ZMAT3: variants seen among roughly 807,000 people sequenced by gnomAD.
ZMAT3 encodes the protein zinc finger matrin-type protein 3.
A neutral mutation model predicts 32.3 loss-of-function variants in ZMAT3; 17 were observed. The observed-to-expected ratio is 0.53, with a 90% CI of 0.36 to 0.79. The LOEUF is 0.79. Among genes scored for constraint, ZMAT3 ranks in the 30% least tolerant of loss-of-function variants. The probability of loss-of-function intolerance (pLI) is 0.00; values close to 1 mark genes in which losing one functional copy is unlikely to be tolerated. For synonymous variants in ZMAT3, 120 were observed against 133.1 expected (o/e 0.90, Z 0.68); for missense variants, 329 against 359.7 (o/e 0.91, Z 0.69).
At position 179,070,457 on chromosome 3, in the gene ZMAT3, A is replaced by G. The variant is rs147218193; in HGVS notation, c.-58+1138T>C. On this transcript the variant is annotated intron_variant, in intron 1 of 5. Coordinates refer to ENST00000311417, the MANE Select transcript of ZMAT3 (RefSeq NM_022470.4). ...AATTTATTTCTTGTTATATTTAACA[A>G]TCAACACAATGTCGACTCCTCAAAA... 1.6e-3 allele frequency among the ~76,000 whole-genome samples: 241 copies of G among 152,376 alleles called. 1 individual carries two copies. The highest frequency in any genetic ancestry group is 5.4e-3 in the African/African-American group (226 of 41,588).
At chr3:179,040,686 C>A (rs942478307) in intron 2 of ZMAT3, among the ~76,000 whole-genome samples, 5 of 152,148 alleles carry the variant, frequency 3.3e-5, no homozygotes, top group African/African-American at 1.2e-4. Context: ...GCAAAACAAC[C>A]AGCAAACATC....
chr3:179,069,512 T>C (rs1721601839), intron 1 of ZMAT3, among the ~76,000 whole-genome samples: 1 of 152,192 alleles, frequency 6.6e-6, no homozygotes, highest in African/African-American at 2.4e-5. Context: ...CAATAGAATA[T>C]GGCTATTTTA....
intron 2 of ZMAT3, among the ~76,000 whole-genome samples, chr3:179,055,517 T>A (rs1245725642): frequency 1.2e-4 from 17 of 146,454 alleles, no homozygotes; most frequent in Non-Finnish European, 1.2e-4. Flanking sequence ...GACCCCCCTT[T>A]AACCCAAACG....
chr3:179,065,431 T>C (rs2108588883), intron 2 of ZMAT3, among the ~76,000 whole-genome samples: 1 of 152,342 alleles, frequency 6.6e-6, no homozygotes, highest in Admixed American at 6.5e-5. Flanking sequence ...CAAATGTTGA[T>C]TCTGCTTATC....
At chr3:179,032,418 C>T (rs954391768) in intron 2 of ZMAT3, among the ~76,000 whole-genome samples, 25 of 152,090 alleles carry the variant, frequency 1.6e-4, no homozygotes, top group African/African-American at 5.8e-4. Context: ...TCTGCCCGGC[C>T]GCCACCCCGT....
chr3:179,018,526 C>T lies in ZMAT3; in HGVS notation c.*6491G>A, dbSNP rs1718386353. The T allele has an allele frequency of 6.6e-6, 1 of 151,990 alleles. No individual in the cohort carries two copies. Among genetic ancestry groups the T allele is most frequent in the Non-Finnish European group, 1.5e-5 (1 of 67,978 alleles). The allele number at this position is 151,990 out of a possible 1,614,324, so 9.4% of individuals were successfully genotyped here. Reference sequence around the variant, plus strand: ...AGGAAGTGTTCAGTTACTTTGGAAGCCATGAATTTTATCAAACACACACAA... The same window carrying T: ...AGGAAGTGTTCAGTTACTTTGGAAGTCATGAATTTTATCAAACACACACAA... On this transcript the variant is annotated 3_prime_UTR_variant, in exon 6 of 6. Transcript: ENST00000311417.
At chr3:179,028,092 G>A (rs1718977918) in intron 3 of ZMAT3, among the ~76,000 whole-genome samples, 1 of 152,190 alleles carries the variant, frequency 6.6e-6, no homozygotes, top group Non-Finnish European at 1.5e-5. Flanking sequence ...CTTAGATTTA[G>A]GACAGTAAGT....
At chr3:179,051,851 T>C (rs1312105338) in intron 2 of ZMAT3, among the ~76,000 whole-genome samples, 3 of 152,062 alleles carry the variant, frequency 2.0e-5, no homozygotes, top group Non-Finnish European at 2.9e-5. Context: ...TAAAACAGAA[T>C]AGAGAACCCA....
chr3:179,047,486 A>G (rs556687461), intron 2 of ZMAT3, among the ~76,000 whole-genome samples: 2 of 152,366 alleles, frequency 1.3e-5, no homozygotes, highest in South Asian at 4.1e-4. Context: ...GCTCACCAGC[A>G]GTGGATCCAA....
intron 2 of ZMAT3, among the ~76,000 whole-genome samples, chr3:179,047,758 C>T (rs563049166): frequency 3.6e-4 from 55 of 151,598 alleles, no homozygotes; most frequent in African/African-American, 1.3e-3. Flanking sequence ...ACTCAGGAGG[C>T]TGAAGCAGGA....
chr3:179,026,338 TTAATA>T (rs1042830958), intron 5 of ZMAT3, among the ~76,000 whole-genome samples: 1 of 151,608 alleles, frequency 6.6e-6, no homozygotes, highest in Non-Finnish European at 1.5e-5. Context: ...ATTACAATTA[TTAATA>T]TATGTTTAGA....
intron 5 of ZMAT3, among the ~76,000 whole-genome samples, chr3:179,025,455 A>C (rs1291146126): frequency 6.6e-6 from 1 of 152,212 alleles, no homozygotes; most frequent in African/African-American, 2.4e-5. Flanking sequence ...ATTGCTGTAG[A>C]GCCAAACCCA....
At chr3:179,059,601 TC>T (rs1721046809) in intron 2 of ZMAT3, among the ~76,000 whole-genome samples, 1 of 152,168 alleles carries the variant, frequency 6.6e-6, no homozygotes, top group Admixed American at 6.5e-5. Flanking sequence ...AAACTACAAA[TC>T]GTTCTTCAAA....
intron 2 of ZMAT3, among the ~76,000 whole-genome samples, chr3:179,065,915 T>A (rs981437192): frequency 7.2e-5 from 11 of 151,946 alleles, no homozygotes; most frequent in African/African-American, 2.7e-4. Context: ...CAAAAAAAAA[T>A]AAATAAATAA....
At position 179,068,276 on chromosome 3, in the gene ZMAT3, G is replaced by A. The variant is rs1721524747; in HGVS notation, c.-57-467C>T. On this transcript the variant is annotated intron_variant, in intron 1 of 5. Coordinates refer to ENST00000311417, the MANE Select transcript of ZMAT3 (RefSeq NM_022470.4). ...AATCCCAGCATTTTGGGAGGCCAAG[G>A]TGGGCAGATCACCTGAGGTCAGGAG... 2.0e-5 allele frequency among the ~76,000 whole-genome samples: 3 copies of A among 152,304 alleles called. No homozygotes were observed. In the South Asian group the frequency reaches 6.2e-4, roughly 32 times the overall value.
chr3:179,048,504 T>C (rs1363076434), intron 2 of ZMAT3, among the ~76,000 whole-genome samples: 1 of 152,232 alleles, frequency 6.6e-6, no homozygotes, highest in African/African-American at 2.4e-5. Context: ...TGGGGTCCTA[T>C]CTTTAGCCTT....
Position 179,018,533 on chromosome 3 carries a change from T to C in ZMAT3, c.*6484A>G, listed in dbSNP as rs1362448550. 3 of 152,146 alleles carry C rather than the reference T, an allele frequency of 2.0e-5. No individual in the cohort carries two copies. Among genetic ancestry groups the C allele is most frequent in the Admixed American group, 2.0e-4 (3 of 15,268 alleles). The allele number at this position is 152,146 out of a possible 1,614,324, so 9.4% of individuals were successfully genotyped here. On this transcript the variant is annotated 3_prime_UTR_variant, in exon 6 of 6. Coordinates refer to ENST00000311417, the MANE Select transcript of ZMAT3 (RefSeq NM_022470.4). ...GTTCAGTTACTTTGGAAGCCATGAA[T>C]TTTATCAAACACACACAAGAATATG... is the stretch of plus-strand genomic sequence containing the variant.
chr3:179,068,898 G>A (rs1271851741), intron 1 of ZMAT3, among the ~76,000 whole-genome samples: 1 of 152,158 alleles, frequency 6.6e-6, no homozygotes, highest in African/African-American at 2.4e-5. Flanking sequence ...GCATCACTTG[G>A]CCCACATTCC....
chr3:179,042,748 A>C (rs530875249), intron 2 of ZMAT3, among the ~76,000 whole-genome samples: 15 of 152,340 alleles, frequency 9.8e-5, no homozygotes, highest in Admixed American at 1.3e-4. Context: ...AGAAAGAAAT[A>C]AAGGGTATTC....
Sources: allele counts gnomAD v4.1 joint callset (sites outside exome capture counted in the v4.1 genomes callset), GRCh38; gene constraint gnomAD v4.1.1; transcripts MANE v1.5; gene names NCBI Gene and HGNC (gene_info 2026-07-23, HGNC 2026-07-21).